TENM3: variants seen among roughly 807,000 people sequenced by gnomAD.
The protein encoded by TENM3 is teneurin-3.
A neutral mutation model predicts 255.1 loss-of-function variants in TENM3; 63 were observed. The observed-to-expected ratio is 0.25, with a 90% CI of 0.20 to 0.30. TENM3 has a LOEUF of 0.30. Among genes scored for constraint, TENM3 ranks in the 10% least tolerant of loss-of-function variants. The probability of loss-of-function intolerance (pLI) is 1.00; values close to 1 mark genes in which losing one functional copy is unlikely to be tolerated. For synonymous variants in TENM3, 1,306 were observed against 1,322.3 expected (o/e 0.99, Z 0.27); for missense variants, 2,929 against 3,461.1 (o/e 0.85, Z 3.86).
At chr4:182,761,014 C>T (rs546330926) in intron 22 of TENM3, among the ~76,000 whole-genome samples, 2 of 151,152 alleles carry the variant, frequency 1.3e-5, no homozygotes, top group African/African-American at 4.8e-5. Context: ...AAAAGTTATG[C>T]CCATTCTTGT....
chr4:181,590,182 A>C, the TENM3 span, among the ~76,000 whole-genome samples: 2 of 152,208 alleles, frequency 1.3e-5, no homozygotes, highest in Non-Finnish European at 2.9e-5. Flanking sequence ...AACCATGTAC[A>C]TAAGAAACAA....
chr4:181,526,015 G>C, the TENM3 span, among the ~76,000 whole-genome samples: 3 of 152,140 alleles, frequency 2.0e-5, no homozygotes, highest in African/African-American at 7.2e-5. Flanking sequence ...ACGTTTTCTA[G>C]AATCTCTCAT....
the TENM3 span, among the ~76,000 whole-genome samples, chr4:181,945,350 T>C: frequency 6.6e-6 from 1 of 152,058 alleles, no homozygotes; most frequent in Non-Finnish European, 1.5e-5. Flanking sequence ...GAACAGCACA[T>C]AAGCAGGAGC....
intron 22 of TENM3, among the ~76,000 whole-genome samples, chr4:182,762,713 G>A (rs1763305780): frequency 6.6e-6 from 1 of 152,178 alleles, no homozygotes; most frequent in South Asian, 2.1e-4. Flanking sequence ...AATATCTTGA[G>A]GCTGCAAATG....
chr4:182,208,516 A>G (rs1754737698), intron 1 of TENM3, among the ~76,000 whole-genome samples: 1 of 152,348 alleles, frequency 6.6e-6, no homozygotes, highest in East Asian at 1.9e-4. Flanking sequence ...TTAATATAGT[A>G]GTAATGAAAG....
chr4:181,920,260 G>A, the TENM3 span, among the ~76,000 whole-genome samples: 1 of 151,952 alleles, frequency 6.6e-6, no homozygotes, highest in African/African-American at 2.4e-5. Flanking sequence ...GTAATGGGTT[G>A]GCTGGGTCAA....
the TENM3 span, among the ~76,000 whole-genome samples, chr4:181,667,500 T>G: frequency 6.6e-6 from 1 of 152,148 alleles, no homozygotes; most frequent in Non-Finnish European, 1.5e-5. Context: ...AAAAGTGGTT[T>G]GGCCACAAAG....
At chr4:181,568,252 C>G in the TENM3 span, among the ~76,000 whole-genome samples, 1 of 151,134 alleles carries the variant, frequency 6.6e-6, no homozygotes, top group Non-Finnish European at 1.5e-5. Flanking sequence ...CAACCTCTGC[C>G]TCCTGGGTTC....
chr4:181,935,681 G>T, the TENM3 span, among the ~76,000 whole-genome samples: 8 of 152,128 alleles, frequency 5.3e-5, no homozygotes, highest in African/African-American at 1.9e-4. Flanking sequence ...TGGATCCTGT[G>T]CCTTTACCAG....
At position 182,754,990 on chromosome 4, in the gene TENM3, C is replaced by T; in HGVS notation, c.4623C>T (p.Tyr1541=). The T allele has an allele frequency of 6.2e-7, 1 of 1,613,970 alleles. No individual in the cohort carries two copies. Among genetic ancestry groups the T allele is most frequent in the East Asian group, 2.2e-5 (1 of 44,880 alleles). ...QYTVSLVTGD[Y]LYNFSYSNDN... Reference sequence around the variant, plus strand: ...CTGTAAGTTTAGTCACTGGTGATTACCTTTACAATTTTAGCTACAGCAATG... The same window carrying T: ...CTGTAAGTTTAGTCACTGGTGATTATCTTTACAATTTTAGCTACAGCAATG... The change falls in exon 22 of 28, where the codon TAC becomes TAT. Residue 1541 remains tyrosine (Y), a synonymous_variant. Transcript: ENST00000511685. This position sits in a 1 kb window ranked among gnomAD's most constrained non-coding sequence, Gnocchi z 5.1.
intron 3 of TENM3, among the ~76,000 whole-genome samples, chr4:182,419,500 C>T (rs1399411472): frequency 6.6e-6 from 1 of 152,182 alleles, no homozygotes; most frequent in East Asian, 1.9e-4. Context: ...TGCCATTTGA[C>T]CCAGCCATCC....
At chr4:182,779,841 G>C (rs1765021885) in intron 24 of TENM3, among the ~76,000 whole-genome samples, 1 of 152,134 alleles carries the variant, frequency 6.6e-6, no homozygotes, top group African/African-American at 2.4e-5. Flanking sequence ...GTGTTTTTTG[G>C]CTGCATAAAT....
chr4:181,877,632 C>G, the TENM3 span, among the ~76,000 whole-genome samples: 1 of 152,130 alleles, frequency 6.6e-6, no homozygotes, highest in Non-Finnish European at 1.5e-5. Context: ...ACTGGGGTTT[C>G]TTTCTAGCCC....
At chr4:182,735,430 G>C (rs1761090376) in intron 16 of TENM3, among the ~76,000 whole-genome samples, 1 of 152,120 alleles carries the variant, frequency 6.6e-6, no homozygotes, top group African/African-American at 2.4e-5. Context: ...CAGTACAAGG[G>C]GTCTTGGAGG....
chr4:182,042,727 T>C, the TENM3 span, among the ~76,000 whole-genome samples: 2 of 152,184 alleles, frequency 1.3e-5, no homozygotes, highest in African/African-American at 4.8e-5. Context: ...AAAGACAATA[T>C]ATTAAGTTTT....
rs570571311 is a variant in TENM3 at position 182,244,472 on chromosome 4, G to A, written c.-76+996G>A. Among the ~76,000 whole-genome samples, 5 of 152,286 alleles carry A rather than the reference G, an allele frequency of 3.3e-5. No homozygotes were observed. The South Asian group carries it at 8.3e-4, about 25-fold the overall frequency. On this transcript the variant is annotated intron_variant, in intron 1 of 27. Transcript: ENST00000511685. ...TTATTGGATCTCAGGCAGCCTGCAAGTCACTGTCCTTTGCATTCAGATGCA... is the reference window on the plus strand; with the variant it reads ...TTATTGGATCTCAGGCAGCCTGCAAATCACTGTCCTTTGCATTCAGATGCA...
intron 16 of TENM3, among the ~76,000 whole-genome samples, chr4:182,734,082 G>A (rs772039197): frequency 1.3e-5 from 2 of 152,160 alleles, no homozygotes; most frequent in African/African-American, 2.4e-5. Context: ...CGTGCATCCT[G>A]CCATTCTAAA....
chr4:182,089,037 C>T, the TENM3 span, among the ~76,000 whole-genome samples: 6 of 152,072 alleles, frequency 3.9e-5, no homozygotes, highest in African/African-American at 9.7e-5. Flanking sequence ...GTCCCTCAAC[C>T]CTTCTACAGT....
chr4:181,917,763 G>A, the TENM3 span, among the ~76,000 whole-genome samples: 1 of 150,088 alleles, frequency 6.7e-6, no homozygotes, highest in Non-Finnish European at 1.5e-5. Flanking sequence ...CCAGGTTCAA[G>A]TGATTCTCAT....
Sources: allele counts gnomAD v4.1 joint callset (sites outside exome capture counted in the v4.1 genomes callset), GRCh38; gene constraint gnomAD v4.1.1; non-coding constraint Gnocchi (gnomAD v3.1); transcripts MANE v1.5; gene names NCBI Gene and HGNC (gene_info 2026-07-23, HGNC 2026-07-21).